Variants in RPIA observed in about 807,000 individuals in gnomAD.
RPIA encodes the protein ribose-5-phosphate isomerase.
Under a neutral mutation model 37.8 loss-of-function variants are expected in RPIA, and 29 were observed. That is an observed-to-expected ratio of 0.77 (90% CI 0.57 to 1.05). The LOEUF is 1.05. Among genes scored for constraint, RPIA ranks in the 50% least tolerant of loss-of-function variants. The pLI, the probability that RPIA is intolerant of heterozygous loss-of-function variation, is 0.00. For synonymous variants in RPIA, 167 were observed against 157.0 expected, an observed-to-expected ratio of 1.06 and a Z score of -0.48; for missense variants, 385 against 413.6, an observed-to-expected ratio of 0.93 and a Z score of 0.60.
chr2:88,692,004 G>A, intron 1 of RPIA, 21 bp downstream of exon 1: 1 of 1,566,302 alleles, frequency 6.4e-7, no homozygotes, highest in East Asian at 2.3e-5. Flanking sequence ...CGAAACGTGG[G>A]GCGCGGGGCG....
intron 3 of RPIA, among the ~76,000 whole-genome samples, chr2:88,712,522 C>T (rs1403903802): frequency 6.6e-6 from 1 of 152,164 alleles, no homozygotes; most frequent in Non-Finnish European, 1.5e-5. Flanking sequence ...TCTCACAGTT[C>T]ACCCTCCCTC....
At chr2:88,692,195 C>A (rs947187220) in intron 1 of RPIA, among the ~76,000 whole-genome samples, 9 of 152,158 alleles carry the variant, frequency 5.9e-5, no homozygotes, top group Non-Finnish European at 1.3e-4. Flanking sequence ...GGCGAATCTT[C>A]TAATACTTGA....
At chr2:88,733,907 G>A (rs565876444) in intron 4 of RPIA, among the ~76,000 whole-genome samples, 1 of 152,248 alleles carries the variant, frequency 6.6e-6, no homozygotes, top group African/African-American at 2.4e-5. Flanking sequence ...GGGGCTTGTG[G>A]TGGAGCTTCC....
chr2:88,698,833 T>A (rs1384614849), intron 2 of RPIA, among the ~76,000 whole-genome samples: 1 of 152,228 alleles, frequency 6.6e-6, no homozygotes, highest in Admixed American at 6.5e-5. Flanking sequence ...ATTTTAATCA[T>A]GTTGATGGCA....
intron 8 of RPIA, among the ~76,000 whole-genome samples, chr2:88,743,140 C>CT (rs1320481067): frequency 2.0e-5 from 3 of 152,134 alleles, no homozygotes; most frequent in African/African-American, 7.2e-5. Flanking sequence ...ATGCTTTCAA[C>CT]TTTTCCCCTT....
At chr2:88,716,102 C>T in intron 3 of RPIA, among the ~76,000 whole-genome samples, 1 of 152,190 alleles carries the variant, frequency 6.6e-6, no homozygotes, top group East Asian at 1.9e-4. Context: ...AAATCCATAT[C>T]TGATTGCTTC....
rs58120689 is a variant in RPIA, at chr2:88,713,121, T to TATATATATA, written c.402+13057_402+13058insATATATATA. On this transcript the variant is annotated intron_variant, in intron 3 of 8. Transcript: ENST00000283646. ...CTGAATATATATATATATATATATA[T>TATATATATA]TTTTTTTTTTTTTTTCAAGCTACGA... Among the ~76,000 whole-genome samples the TATATATATA allele has an allele frequency of 6.7e-3, 374 of 56,222 alleles. 1 individual carries two copies. Among genetic ancestry groups the TATATATATA allele is most frequent in the African/African-American group, 7.9e-3 (98 of 12,412 alleles). The allele number at this position is 56,222 out of a possible 152,430, so 36.9% of individuals were successfully genotyped here.
At chr2:88,707,746 C>T (rs1052993373) in intron 3 of RPIA, among the ~76,000 whole-genome samples, 1 of 152,198 alleles carries the variant, frequency 6.6e-6, no homozygotes, top group Non-Finnish European at 1.5e-5. Flanking sequence ...AGCTAAATGT[C>T]TTCCAGGAGT....
At chr2:88,729,368 C>T (rs1673237642) in intron 4 of RPIA, 31 bp downstream of exon 4, 9 of 1,601,780 alleles carry the variant, frequency 5.6e-6, no homozygotes, top group Admixed American at 1.7e-5. Context: ...CAGACCACTG[C>T]GTATTTCTTT....
intron 3 of RPIA, among the ~76,000 whole-genome samples, chr2:88,722,450 G>A (rs186069696): frequency 6.6e-6 from 1 of 151,414 alleles, no homozygotes; most frequent in African/African-American, 2.5e-5. Context: ...TTTATGAAAA[G>A]TTTGATAGTC....
chr2:88,735,763 C>T, intron 6 of RPIA, 26 bp downstream of exon 6: 3 of 1,609,058 alleles, frequency 1.9e-6, no homozygotes, highest in Non-Finnish European at 2.6e-6. Context: ...TCTGAGCTGC[C>T]AACTGAGGAG....
Position 88,738,208 on chromosome 2 carries a change from C to T in RPIA, c.838+132C>T, listed in dbSNP as rs750532834. On this transcript the variant is annotated intron_variant, in intron 8 of 8. Transcript: ENST00000283646. ...GTTGGAAAGAAGAATTCCCTTTATA[C>T]CATGTTTGGGTTTTTAACTTCACCT... is the stretch of plus-strand genomic sequence containing the variant. 23 of 726,384 alleles carry T rather than the reference C, an allele frequency of 3.2e-5. No homozygotes were observed. The East Asian group carries it at 6.3e-4, about 20-fold the overall frequency. 45.0% of individuals were successfully genotyped at this position (726,384 alleles called of 1,614,324 possible).
At chr2:88,703,811 C>T (rs1009412815) in intron 3 of RPIA, among the ~76,000 whole-genome samples, 4 of 152,188 alleles carry the variant, frequency 2.6e-5, no homozygotes, top group African/African-American at 9.7e-5. Context: ...TCTTTTCTAT[C>T]GGATTCAGGC....
chr2:88,711,747 ATACAG>A (rs1210421426), intron 3 of RPIA, among the ~76,000 whole-genome samples: 3 of 152,228 alleles, frequency 2.0e-5, no homozygotes, highest in Non-Finnish European at 4.4e-5. Context: ...TTAGGGTAAA[ATACAG>A]TTTCTTTCAG....
At position 88,750,081 on chromosome 2, in the gene RPIA, C is replaced by G; in HGVS notation, c.*3C>G. 1 of 1,602,810 alleles carries G rather than the reference C, an allele frequency of 6.2e-7. No homozygotes were observed. Among genetic ancestry groups the G allele is most frequent in the Non-Finnish European group, 8.5e-7 (1 of 1,170,422 alleles). Reference sequence around the variant, plus strand: ...TGAGGGAGAAGCCTTTCTGTTGACCCTGCAAGGAGCAGAGTGTGTTCACCT... The same window carrying G: ...TGAGGGAGAAGCCTTTCTGTTGACCGTGCAAGGAGCAGAGTGTGTTCACCT... On this transcript the variant is annotated 3_prime_UTR_variant, in exon 9 of 9. Transcript: ENST00000283646.
chr2:88,699,228 G>C lies in RPIA; in HGVS notation c.346+684G>C, dbSNP rs578082984. Among the ~76,000 whole-genome samples the C allele has an allele frequency of 2.0e-5, 3 of 152,292 alleles. No individual in the cohort carries two copies. The East Asian group carries it at 5.8e-4, about 29-fold the overall frequency. ...ATGGCTTCTGGAAGCCTTCTCACTG[G>C]CCAAATAGGAGCTTTTGTGTTATAT... On this transcript the variant is annotated intron_variant, in intron 2 of 8. Transcript: ENST00000283646.
chr2:88,693,549 G>A (rs187716454), intron 1 of RPIA, among the ~76,000 whole-genome samples: 31 of 152,300 alleles, frequency 2.0e-4, no homozygotes, highest in Non-Finnish European at 3.2e-4. Context: ...GCTTTATGTT[G>A]TATCTCATGT....
intron 8 of RPIA, among the ~76,000 whole-genome samples, chr2:88,747,483 C>T (rs1245099997): frequency 6.6e-6 from 1 of 152,190 alleles, no homozygotes; most frequent in African/African-American, 2.4e-5. Flanking sequence ...AAAATTTGTG[C>T]TCAGTTGAAA....
intron 8 of RPIA, among the ~76,000 whole-genome samples, chr2:88,743,898 C>T (rs1673410592): frequency 6.6e-6 from 1 of 152,118 alleles, no homozygotes; most frequent in African/African-American, 2.4e-5. Context: ...TTTGGATCTT[C>T]TCTCTTCTTT....
Sources: gnomAD v4.1 joint callset for allele counts (sites outside exome capture counted in the v4.1 genomes callset) on GRCh38, gnomAD v4.1.1 for gene constraint, MANE v1.5 for transcripts, NCBI Gene and HGNC (gene_info 2026-07-23, HGNC 2026-07-21) for gene names.